Variants in MICU2 observed in about 807,000 individuals in gnomAD.
The protein encoded by MICU2 is calcium uptake protein 2, mitochondrial.
MICU2 carries 64 observed loss-of-function variants against 60.4 expected under a neutral mutation model. The ratio of observed to expected loss-of-function variants is 1.06; its 90% CI spans 0.87 to 1.31. The LOEUF (loss-of-function observed/expected upper bound fraction) is 1.31. Among genes scored for constraint, MICU2 ranks in the 50% most tolerant of loss-of-function variants. The pLI is 0.00. For synonymous variants in MICU2, 201 were observed against 175.0 expected (o/e 1.15, Z -1.17); for missense variants, 569 against 531.0 (o/e 1.07, Z -0.70).
chr13:21,533,243 AATTTT>A (rs753821382), intron 4 of MICU2, among the ~76,000 whole-genome samples: 7 of 152,108 alleles, frequency 4.6e-5, no homozygotes, highest in Non-Finnish European at 8.8e-5. Context: ...GAATCCAACT[AATTTT>A]AATAATTATC....
chr13:21,561,291 T>A (rs146954997), intron 2 of MICU2, among the ~76,000 whole-genome samples: 1 of 152,210 alleles, frequency 6.6e-6, no homozygotes, highest in African/African-American at 2.4e-5. Context: ...AAATATCCTA[T>A]AAGTGGCAAT....
chr13:21,541,790 C>T (rs183626303), intron 2 of MICU2, among the ~76,000 whole-genome samples: 37 of 152,110 alleles, frequency 2.4e-4, no homozygotes, highest in East Asian at 1.5e-3. Flanking sequence ...ATGCATGGTA[C>T]GATTATAGAG....
At chr13:21,539,934 T>C (rs1273415990) in intron 2 of MICU2, among the ~76,000 whole-genome samples, 2 of 152,252 alleles carry the variant, frequency 1.3e-5, no homozygotes, top group African/African-American at 4.8e-5. Context: ...ATTTCATACA[T>C]ATGAAATTGT....
intron 1 of MICU2, among the ~76,000 whole-genome samples, chr13:21,596,719 C>T (rs963543526): frequency 3.3e-5 from 5 of 152,076 alleles, no homozygotes; most frequent in African/African-American, 1.2e-4. Flanking sequence ...CCACTATGCC[C>T]GGCCTCACAT....
intron 4 of MICU2, among the ~76,000 whole-genome samples, chr13:21,525,678 G>A (rs1325180232): frequency 6.6e-6 from 1 of 151,704 alleles, no homozygotes; most frequent in African/African-American, 2.4e-5. Context: ...GATTAGTGAC[G>A]TTGAGTACCT....
At chr13:21,599,952 C>A (rs4770180) in intron 1 of MICU2, among the ~76,000 whole-genome samples, 35,510 of 152,054 alleles carry the variant, frequency 0.23, 5,053 homozygotes, top group East Asian at 0.65. Flanking sequence ...TACTGTAATA[C>A]CACTATAGCT....
intron 2 of MICU2, among the ~76,000 whole-genome samples, chr13:21,554,714 A>C (rs1389027422): frequency 3.9e-5 from 6 of 152,142 alleles, no homozygotes; most frequent in African/African-American, 1.4e-4. Context: ...AAAATCCTTC[A>C]AAAAAATCAA....
chr13:21,594,536 C>T (rs928131770), intron 1 of MICU2, among the ~76,000 whole-genome samples: 3 of 152,124 alleles, frequency 2.0e-5, no homozygotes, highest in African/African-American at 7.2e-5. Flanking sequence ...GGGTATATAA[C>T]CAAAGGAATA....
At chr13:21,508,272 C>T (rs1169814627) in intron 8 of MICU2, among the ~76,000 whole-genome samples, 1 of 151,988 alleles carries the variant, frequency 6.6e-6, no homozygotes, top group Non-Finnish European at 1.5e-5. Context: ...TCTACAGGTG[C>T]CTGCCACCAT....
intron 8 of MICU2, among the ~76,000 whole-genome samples, chr13:21,505,712 T>A (rs1257433460): frequency 1.3e-5 from 2 of 152,202 alleles, no homozygotes; most frequent in Non-Finnish European, 1.5e-5. Context: ...GCCCATTCAA[T>A]GCACCCACCA....
intron 2 of MICU2, among the ~76,000 whole-genome samples, chr13:21,552,081 C>G (rs1354556069): frequency 2.0e-5 from 3 of 152,092 alleles, no homozygotes; most frequent in Non-Finnish European, 4.4e-5. Flanking sequence ...TTCTCCACAT[C>G]CTCTCCAGCA....
chr13:21,562,074 G>C (rs1340442317), intron 2 of MICU2, among the ~76,000 whole-genome samples: 1 of 150,944 alleles, frequency 6.6e-6, no homozygotes, highest in Non-Finnish European at 1.5e-5. Context: ...GTATTCCATG[G>C]TGTATATGTG....
chr13:21,546,464 G>A (rs1887421839), intron 2 of MICU2, among the ~76,000 whole-genome samples: 1 of 152,132 alleles, frequency 6.6e-6, no homozygotes, highest in Admixed American at 6.6e-5. Context: ...AATATGAGCT[G>A]CTTAAGCTAA....
chr13:21,553,861 A>C (rs1887634481), intron 2 of MICU2, among the ~76,000 whole-genome samples: 1 of 152,188 alleles, frequency 6.6e-6, no homozygotes, highest in Non-Finnish European at 1.5e-5. Context: ...TGGAAAACAA[A>C]AAAAGGCAGG....
At chr13:21,599,409 T>G (rs1159879686) in intron 1 of MICU2, among the ~76,000 whole-genome samples, 4 of 152,246 alleles carry the variant, frequency 2.6e-5, no homozygotes, top group African/African-American at 9.6e-5. Flanking sequence ...GATTTCTGAT[T>G]TTACATGTCT....
chr13:21,588,088 T>C (rs1468823438), intron 1 of MICU2, among the ~76,000 whole-genome samples: 1 of 152,204 alleles, frequency 6.6e-6, no homozygotes, highest in Non-Finnish European at 1.5e-5. Flanking sequence ...TATGCCATAG[T>C]TGGTCCAACG....
Position 21,493,128 on chromosome 13 carries a change from G to T in MICU2, c.*121C>A. The T allele has an allele frequency of 1.9e-6, 1 of 527,734 alleles. No homozygotes were observed. Among genetic ancestry groups the T allele is most frequent in the East Asian group, 3.3e-5 (1 of 30,000 alleles). The allele number at this position is 527,734 out of a possible 1,614,324, so 32.7% of individuals were successfully genotyped here. A position where few individuals can be genotyped will look rare whatever the true frequency, so the allele number is the denominator to read the frequency against. Reference sequence around the variant, plus strand: ...ATTATGAATCAGAAAGCAAGTACAAGACATGCTTATTTCACACAGAATATC... The same window carrying T: ...ATTATGAATCAGAAAGCAAGTACAATACATGCTTATTTCACACAGAATATC... On this transcript the variant is annotated 3_prime_UTR_variant, in exon 12 of 12. Transcript: ENST00000382374.
intron 4 of MICU2, among the ~76,000 whole-genome samples, chr13:21,528,064 T>C (rs1297766187): frequency 6.6e-6 from 1 of 152,222 alleles, no homozygotes; most frequent in African/African-American, 2.4e-5. Flanking sequence ...TAATTTATAT[T>C]CAGTATATTT....
intron 4 of MICU2, chr13:21,530,827 GC>G: frequency 5.4e-6 from 4 of 735,844 alleles, no homozygotes; most frequent in Non-Finnish European, 7.2e-6. Flanking sequence ...AAGCCGTGGT[GC>G]CCCCATGGAC....
Sources: gnomAD v4.1 joint callset for allele counts (sites outside exome capture counted in the v4.1 genomes callset) on GRCh38, gnomAD v4.1.1 for gene constraint, MANE v1.5 for transcripts, NCBI Gene and HGNC (gene_info 2026-07-23, HGNC 2026-07-21) for gene names.